Variants in KAZN observed in about 807,000 individuals in gnomAD.
The protein encoded by KAZN is kazrin, periplakin interacting protein.
In KAZN, 40 loss-of-function variants were observed where a neutral mutation model predicts 87.4. That is an observed-to-expected ratio of 0.46 (90% CI 0.36 to 0.60). The LOEUF (loss-of-function observed/expected upper bound fraction) is 0.60. Ranked by LOEUF, KAZN falls within the 20% of genes least tolerant of loss-of-function variation. KAZN has a pLI of 0.00. For missense variants in KAZN, 898 were observed against 1,073.9 expected, an observed-to-expected ratio of 0.84 and a Z score of 2.29; for synonymous variants, 466 against 458.3, an observed-to-expected ratio of 1.02 and a Z score of -0.22.
Position 14,198,266 on chromosome 1 carries a change from A to G in KAZN, c.249+17674A>G, listed in dbSNP as rs921005145. 3.9e-5 allele frequency among the ~76,000 whole-genome samples: 6 copies of G among 152,188 alleles called. No homozygotes were observed. The East Asian group carries it at 1.2e-3, about 29-fold the overall frequency. On this transcript the variant is annotated intron_variant, in intron 2 of 16. Coordinates refer to the KAZN transcript ENST00000636203. ...TGGTGATAAAAATCTGACTTTTTAC[A>G]GATGTTTTAGGTTACTGAGGGAGAG...
At chr1:14,084,243 A>T (rs12409852) in intron 1 of KAZN, among the ~76,000 whole-genome samples, 15,073 of 152,158 alleles carry the variant, frequency 0.099, 918 homozygotes, top group East Asian at 0.13. Flanking sequence ...GTTGAGATGA[A>T]CAGGAGTGAC....
At chr1:14,023,004 C>T (rs991426045) in intron 1 of KAZN, among the ~76,000 whole-genome samples, 9 of 152,218 alleles carry the variant, frequency 5.9e-5, no homozygotes, top group African/African-American at 1.9e-4. Context: ...AGGGGATAAG[C>T]ATCAGCCAAA....
chr1:15,080,132 T>C (rs1487823640), intron 8 of KAZN, among the ~76,000 whole-genome samples: 2 of 152,180 alleles, frequency 1.3e-5, no homozygotes, highest in South Asian at 2.1e-4. Flanking sequence ...AGGAGGAGGA[T>C]GTCCTCCGAG....
At chr1:14,693,640 G>A (rs1421624826) in intron 1 of KAZN, among the ~76,000 whole-genome samples, 1 of 152,174 alleles carries the variant, frequency 6.6e-6, no homozygotes, top group Non-Finnish European at 1.5e-5. Flanking sequence ...TGTGGGATGA[G>A]TGTGTGTTGT....
chr1:15,082,732 G>A (rs1054819618), intron 8 of KAZN, among the ~76,000 whole-genome samples: 1 of 152,140 alleles, frequency 6.6e-6, no homozygotes, highest in Non-Finnish European at 1.5e-5. Context: ...TCGCTCTGTC[G>A]CTCAGGCTAG....
chr1:14,850,170 G>A lies in KAZN; in HGVS notation c.227-110514G>A, dbSNP rs187509363. On this transcript the variant is annotated intron_variant, in intron 1 of 14. Transcript: ENST00000376030. ...AGGATGGTCTCGATCTCTTGACCTCGTGATCCGCCTGCCTCAGCCTCCCAA... is the reference window on the plus strand; with the variant it reads ...AGGATGGTCTCGATCTCTTGACCTCATGATCCGCCTGCCTCAGCCTCCCAA... Among the ~76,000 whole-genome samples, 8 of 152,196 alleles carry A rather than the reference G, an allele frequency of 5.3e-5. No homozygotes were observed. In the East Asian group the frequency reaches 1.2e-3, roughly 22 times the overall value.
At chr1:14,327,373 G>A (rs1571311688) in intron 2 of KAZN, among the ~76,000 whole-genome samples, 1 of 152,040 alleles carries the variant, frequency 6.6e-6, no homozygotes, top group African/African-American at 2.4e-5. Context: ...CCCCCCACAC[G>A]CTGTCCCTTC....
chr1:14,785,689 T>C (rs886528507), intron 1 of KAZN, among the ~76,000 whole-genome samples: 6 of 152,202 alleles, frequency 3.9e-5, no homozygotes, highest in Non-Finnish European at 7.3e-5. Flanking sequence ...ATCTCTAAGA[T>C]GGAGATGAGA....
chr1:13,946,904 C>T (rs748819083), intron 1 of KAZN, among the ~76,000 whole-genome samples: 2 of 152,156 alleles, frequency 1.3e-5, no homozygotes, highest in African/African-American at 4.8e-5. Context: ...GAAATGCATT[C>T]TTTCATGGTT....
intron 2 of KAZN, among the ~76,000 whole-genome samples, chr1:14,435,456 T>C (rs1353599886): frequency 3.3e-5 from 5 of 152,146 alleles, no homozygotes; most frequent in Non-Finnish European, 2.9e-5. Flanking sequence ...CCTTTGACAC[T>C]AGGGGGCAGC....
At chr1:14,419,123 A>T (rs76141113) in intron 2 of KAZN, among the ~76,000 whole-genome samples, 10,770 of 152,300 alleles carry the variant, frequency 0.071, 593 homozygotes, top group South Asian at 0.11. Flanking sequence ...GTAGCACCCC[A>T]TCTTTACAAA....
intron 1 of KAZN, among the ~76,000 whole-genome samples, chr1:14,749,925 C>T (rs1311181049): frequency 2.0e-5 from 3 of 152,024 alleles, no homozygotes; most frequent in Admixed American, 6.6e-5. Context: ...CAAATGAGGT[C>T]ATAGTTCTGT....
At chr1:14,350,923 C>A (rs1296997899) in intron 2 of KAZN, 4 of 152,258 alleles carry the variant, frequency 2.6e-5, no homozygotes, top group African/African-American at 7.2e-5. Context: ...GAGTGGCAGG[C>A]GTCTGTTGCA....
Position 15,066,227 on chromosome 1 carries a change from G to C in KAZN, c.1222+474G>C. The C allele has an allele frequency of 1.0e-6, 1 of 988,356 alleles. No individual in the cohort carries two copies. The highest frequency in any genetic ancestry group is 1.7e-5 in the African/African-American group (1 of 57,204). 61.2% of individuals were successfully genotyped at this position (988,356 alleles called of 1,614,324 possible). On this transcript the variant is annotated intron_variant, in intron 8 of 14. Transcript: ENST00000376030. The surrounding 1 kb of genome is among the most constrained non-coding windows in gnomAD (Gnocchi z 4.3). ...AAACTTGAAGGACTGCTGTGTATTT[G>C]TAAATAACAAAACTATTGTGCACTC...
At chr1:14,282,453 A>T (rs961130487) in intron 2 of KAZN, among the ~76,000 whole-genome samples, 1 of 152,244 alleles carries the variant, frequency 6.6e-6, no homozygotes, top group Non-Finnish European at 1.5e-5. Flanking sequence ...GCCCAAGTGT[A>T]TTCAAGCATC....
At chr1:14,705,142 A>T (rs1642143621) in intron 1 of KAZN, among the ~76,000 whole-genome samples, 1 of 152,202 alleles carries the variant, frequency 6.6e-6, no homozygotes, top group Non-Finnish European at 1.5e-5. Context: ...CTTAGCTGGC[A>T]GATGGCCTCC....
intron 1 of KAZN, among the ~76,000 whole-genome samples, chr1:14,727,708 C>T (rs1303962756): frequency 4.0e-5 from 6 of 151,472 alleles, no homozygotes; most frequent in Non-Finnish European, 5.9e-5. Context: ...TGAGGTAATC[C>T]GCCCACCACG....
intron 1 of KAZN, among the ~76,000 whole-genome samples, chr1:14,844,595 C>T (rs531748278): frequency 6.6e-6 from 1 of 152,310 alleles, no homozygotes; most frequent in African/African-American, 2.4e-5. Flanking sequence ...TGAGATTGTT[C>T]GCAATGAAGA....
At chr1:14,626,127 T>C (rs1679125759) in intron 1 of KAZN, among the ~76,000 whole-genome samples, 1 of 152,222 alleles carries the variant, frequency 6.6e-6, no homozygotes, top group Non-Finnish European at 1.5e-5. Context: ...CCAACTGGAC[T>C]GAGCCCTGCT....
Sources: gnomAD v4.1 joint callset for allele counts (sites outside exome capture counted in the v4.1 genomes callset) on GRCh38, gnomAD v4.1.1 for gene constraint, Gnocchi (gnomAD v3.1) non-coding constraint, MANE v1.5 for transcripts, NCBI Gene and HGNC (gene_info 2026-07-23, HGNC 2026-07-21) for gene names.